The following YIPF1 variants were observed in gnomAD, a reference collection of about 807,000 sequenced individuals.
The protein encoded by YIPF1 is Yip1 domain family member 1, also known as protein YIPF1.
YIPF1 carries 22 observed loss-of-function variants against 37.0 expected under a neutral mutation model. The ratio of observed to expected loss-of-function variants is 0.59; its 90% confidence interval spans 0.42 to 0.85. The LOEUF (loss-of-function observed/expected upper bound fraction) is 0.85, where lower values mean the gene tolerates loss of function less well. Among genes scored for constraint, YIPF1 ranks in the 40% least tolerant of loss-of-function variants. The pLI, the probability that YIPF1 is intolerant of heterozygous loss-of-function variation, is 0.00. For missense variants in YIPF1, 355 were observed against 373.1 expected, an observed-to-expected ratio of 0.95 and a Z score of 0.40; for synonymous variants, 128 against 131.9, an observed-to-expected ratio of 0.97 and a Z score of 0.21.
intron 6 of YIPF1, among the ~76,000 whole-genome samples, chr1:53,872,041 TTTC>T (rs749977047): frequency 3.3e-5 from 5 of 150,844 alleles, no homozygotes; most frequent in East Asian, 1.9e-4. Context: ...CTTAAGGCTT[TTTC>T]TTTTTTTTTT....
intron 9 of YIPF1, among the ~76,000 whole-genome samples, chr1:53,865,790 T>C (rs1650004015): frequency 6.6e-6 from 1 of 152,184 alleles, no homozygotes; most frequent in Admixed American, 6.5e-5. Context: ...GAATCAATTT[T>C]TTTTTCTTTT....
At position 53,863,159 on chromosome 1, in the gene YIPF1, C is replaced by T. The variant is rs186467352; in HGVS notation, c.832-3006G>A. Among the ~76,000 whole-genome samples the T allele has an allele frequency of 1.9e-3, 286 of 152,322 alleles. 1 individual carries two copies. Among genetic ancestry groups the T allele is most frequent in the African/African-American group, 6.6e-3 (274 of 41,572 alleles). ...CCAACCCGTCCCGCTCTTCTGAGTCCCTTACAGACTGAACAGCCTCTTCTG... is the reference window on the plus strand; with the variant it reads ...CCAACCCGTCCCGCTCTTCTGAGTCTCTTACAGACTGAACAGCCTCTTCTG... On this transcript the variant is annotated intron_variant, in intron 9 of 10. Transcript: ENST00000072644.
intron 9 of YIPF1, among the ~76,000 whole-genome samples, chr1:53,862,270 C>G (rs527699926): frequency 1.2e-3 from 177 of 152,344 alleles, no homozygotes; most frequent in Middle Eastern, 3.4e-3. Flanking sequence ...GCTAGGATTT[C>G]AATCCAGTCG....
chr1:53,877,912 C>T (rs1299941902), intron 6 of YIPF1, among the ~76,000 whole-genome samples: 1 of 152,184 alleles, frequency 6.6e-6, no homozygotes, highest in Non-Finnish European at 1.5e-5. Flanking sequence ...GCCTTGGCCT[C>T]CCAAAGTGTT....
chr1:53,878,316 A>G lies in YIPF1; in HGVS notation c.363T>C (p.Tyr121=), dbSNP rs1650387718. The G allele has an allele frequency of 4.3e-6, 7 of 1,613,710 alleles. No individual in the cohort carries two copies. The highest frequency in any genetic ancestry group is 3.3e-5 in the South Asian group (3 of 90,990). The part of the protein sequence containing the change: ...RLYIRSNPDL[Y]GPFWICATLV... ...TAAACAAATCAGTACTAAACATACC[A>G]TAGAGATCTGGATTGCTGCGGATAT... is the stretch of plus-strand genomic sequence containing the variant. Residue 121 remains tyrosine (Y), a splice_region_variant and synonymous_variant, in exon 6 of 11, where the codon TAT becomes TAC. Transcript: ENST00000072644.
intron 4 of YIPF1, among the ~76,000 whole-genome samples, chr1:53,880,446 T>C (rs1650460715): frequency 6.6e-6 from 1 of 152,182 alleles, no homozygotes; most frequent in Non-Finnish European, 1.5e-5. Context: ...TCCATGCTCA[T>C]AGTTAGGAAG....
At chr1:53,885,511 A>C (rs895882982) in intron 3 of YIPF1, among the ~76,000 whole-genome samples, 5 of 152,112 alleles carry the variant, frequency 3.3e-5, no homozygotes, top group African/African-American at 4.8e-5. Context: ...TGTCTCACAA[A>C]AAAAGAAAGA....
At chr1:53,885,884 A>G (rs1650639781) in intron 3 of YIPF1, among the ~76,000 whole-genome samples, 1 of 151,778 alleles carries the variant, frequency 6.6e-6, no homozygotes, top group Non-Finnish European at 1.5e-5. Flanking sequence ...CAAAGGATAA[A>G]TGCTTGAAGT....
At position 53,860,140 on chromosome 1, in the gene YIPF1, T is replaced by A; in HGVS notation, c.845A>T (p.Asp282Val). The part of the protein sequence containing the change: ...LSVGCLAYFF[D>V]APEMDHLPTT... ...TGGGAGATGGTCCATCTCTGGTGCA[T>A]CAAAAAAGTATGCCTGTGGGGAAAA... is the stretch of plus-strand genomic sequence containing the variant. The change falls in exon 10 of 11, where the codon GAT becomes GTT. Residue 282 changes from aspartate (D) to valine (V), a missense_variant. Coordinates refer to ENST00000072644, the MANE Select transcript of YIPF1 (RefSeq NM_018982.5). 6.2e-7 allele frequency: 1 copy of A among 1,613,978 alleles called. No homozygotes were observed. Among genetic ancestry groups the A allele is most frequent in the East Asian group, 2.2e-5 (1 of 44,862 alleles).
intron 10 of YIPF1, chr1:53,854,966 TAGA>T (rs904933662): frequency 1.3e-5 from 2 of 151,804 alleles, no homozygotes; most frequent in Non-Finnish European, 2.9e-5. Context: ...ACGAGAGCTG[TAGA>T]AGAGCACAGA....
intron 9 of YIPF1, among the ~76,000 whole-genome samples, chr1:53,865,240 TG>T (rs1649985732): frequency 6.6e-6 from 1 of 152,174 alleles, no homozygotes; most frequent in African/African-American, 2.4e-5. Context: ...TTTCTAGGTA[TG>T]TGCAGAAAAT....
chr1:53,884,120 A>G (rs752313435), intron 3 of YIPF1, among the ~76,000 whole-genome samples: 14 of 151,604 alleles, frequency 9.2e-5, no homozygotes. Context: ...CTATAATTCC[A>G]GCACTTTGGG....
At chr1:53,885,819 CAAA>C (rs55998099) in intron 3 of YIPF1, among the ~76,000 whole-genome samples, 25 of 83,838 alleles carry the variant, frequency 3.0e-4, no homozygotes, top group East Asian at 6.4e-4. Context: ...GACTCGGTCT[CAAA>C]AAAAAAAAAA....
At chr1:53,871,551 A>G in intron 6 of YIPF1, 63 bp from the exon 7 acceptor site, 2 of 1,279,748 alleles carry the variant, frequency 1.6e-6, no homozygotes, top group South Asian at 1.3e-5. Context: ...AGATTCTTAC[A>G]GAATTTCTTA....
chr1:53,866,500 GT>G, intron 8 of YIPF1, 118 bp from the exon 9 acceptor site: 1 of 1,151,830 alleles, frequency 8.7e-7, no homozygotes, highest in Non-Finnish European at 1.2e-6. Context: ...TGCCACTCTG[GT>G]TTTTCAGTAC....
rs548334964 is a variant in YIPF1, at chr1:53,889,387, A to T, written c.-193T>A. On this transcript the variant is annotated 5_prime_UTR_variant, in exon 2 of 11. Coordinates refer to ENST00000072644, the MANE Select transcript of YIPF1 (RefSeq NM_018982.5). ...GGTTAAAGGCACAGGCTCTGGGGTC[A>T]GACAGAGCTGGGTTTGATTCCCGAT... 5.7e-4 allele frequency: 91 copies of T among 160,524 alleles called. No individual in the cohort carries two copies. Among genetic ancestry groups the T allele is most frequent in the Middle Eastern group, 3.2e-3 (1 of 308 alleles). The allele number at this position is 160,524 out of a possible 1,614,324, so 9.9% of individuals were successfully genotyped here.
intron 7 of YIPF1, among the ~76,000 whole-genome samples, chr1:53,869,160 T>TCTCACACACACA (rs911930860): frequency 7.2e-6 from 1 of 137,982 alleles, no homozygotes; most frequent in African/African-American, 2.8e-5. Context: ...TCTCTCTCTC[T>TCTCACACACACA]CACACACACA....
At chr1:53,856,714 G>T (rs1649727898) in intron 10 of YIPF1, among the ~76,000 whole-genome samples, 1 of 152,178 alleles carries the variant, frequency 6.6e-6, no homozygotes, top group Non-Finnish European at 1.5e-5. Context: ...TGACAACTTG[G>T]CTATGGCATT....
intron 6 of YIPF1, among the ~76,000 whole-genome samples, chr1:53,873,978 G>A (rs1178666662): frequency 6.6e-6 from 1 of 152,146 alleles, no homozygotes; most frequent in East Asian, 1.9e-4. Flanking sequence ...ATATTTTCAG[G>A]TGGCCTGAAA....
Sources: allele counts gnomAD v4.1 joint callset (sites outside exome capture counted in the v4.1 genomes callset), GRCh38; gene constraint gnomAD v4.1.1; transcripts MANE v1.5; gene names NCBI Gene and HGNC (gene_info 2026-07-23, HGNC 2026-07-21).